Variants in FLRT1 observed in about 807,000 individuals in gnomAD.
FLRT1 encodes the protein leucine-rich repeat transmembrane protein FLRT1.
A neutral mutation model predicts 30.9 loss-of-function variants in FLRT1; 14 were observed. The ratio of observed to expected loss-of-function variants is 0.45; its 90% CI spans 0.30 to 0.71. The LOEUF (loss-of-function observed/expected upper bound fraction) is 0.71. Among genes scored for constraint, FLRT1 ranks in the 30% least tolerant of loss-of-function variants. The pLI is 0.08. For synonymous variants in FLRT1, 368 were observed against 430.4 expected, an observed-to-expected ratio of 0.85 and a Z score of 1.80; for missense variants, 737 against 949.2, an observed-to-expected ratio of 0.78 and a Z score of 2.94.
Position 64,117,157 on chromosome 11 carries a change from A to G in FLRT1, c.890A>G (p.Glu297Gly), listed in dbSNP as rs1254000186. ...ACGCTGGCCAAGATGCGTGAGCTGG[A>G]GCGGCTGGACCTGTCCAACAACAAC... ...YNTLAKMRELERLDLSNNNLT... is the reference protein window; with the variant it reads ...YNTLAKMRELGRLDLSNNNLT... The change falls in exon 3 of 3, where the codon GAG becomes GGG. Residue 297 changes from glutamate to glycine, a missense_variant. Transcript: ENST00000682287. 1.2e-6 allele frequency: 2 copies of G among 1,613,888 alleles called. No individual in the cohort carries two copies. The highest frequency in any genetic ancestry group is 1.7e-6 in the Non-Finnish European group (2 of 1,179,962).
intron 1 of FLRT1, among the ~76,000 whole-genome samples, chr11:64,059,883 G>A (rs911170932): frequency 6.6e-6 from 1 of 152,134 alleles, no homozygotes; most frequent in African/African-American, 2.4e-5. Flanking sequence ...TCCAGCCCTT[G>A]AAGGCCGAGG....
chr11:64,085,028 A>G (rs920817744), intron 1 of FLRT1, among the ~76,000 whole-genome samples: 5 of 152,316 alleles, frequency 3.3e-5, no homozygotes, highest in South Asian at 2.1e-4. Flanking sequence ...TATTATCCCC[A>G]TTTTACAGAT....
At position 64,116,476 on chromosome 11, in the gene FLRT1, G is replaced by A. The variant is rs778399088; in HGVS notation, c.209G>A (p.Arg70Gln). Residue 70 changes from arginine to glutamine, a missense_variant, in exon 3 of 3, where the codon CGG (arginine) becomes CAG (glutamine). Arg to Gln is a conservative substitution (Grantham distance 43, BLOSUM62 1). Coordinates refer to ENST00000682287, the MANE Select transcript of FLRT1 (RefSeq NM_013280.5). ...AACGGCTTCATCTACTGCAACGACC[G>A]GGGACTCACATCCATCCCCGCAGAT... ...CDNGFIYCND[R>Q]GLTSIPADIP... 6 of 1,613,686 alleles carry A rather than the reference G, an allele frequency of 3.7e-6. No homozygotes were observed. The highest frequency in any genetic ancestry group is 4.2e-6 in the Non-Finnish European group (5 of 1,179,898).
At chr11:64,055,717 G>T (rs1478507807) in intron 1 of FLRT1, among the ~76,000 whole-genome samples, 5 of 152,186 alleles carry the variant, frequency 3.3e-5, no homozygotes, top group African/African-American at 1.2e-4. Context: ...ATGGATGGAT[G>T]ATGGGCCATG....
At chr11:64,055,981 C>T (rs1028759388) in intron 1 of FLRT1, among the ~76,000 whole-genome samples, 3 of 152,168 alleles carry the variant, frequency 2.0e-5, no homozygotes, top group Admixed American at 6.5e-5. Context: ...GGGAGGGACG[C>T]GCTGTCGGTC....
At chr11:64,058,669 C>T (rs539795246) in intron 1 of FLRT1, among the ~76,000 whole-genome samples, 5 of 152,382 alleles carry the variant, frequency 3.3e-5, no homozygotes, top group East Asian at 1.9e-4. Flanking sequence ...AACAGCTTCC[C>T]GCTCCACGCC....
chr11:64,114,907 C>T (rs1483343648), intron 2 of FLRT1, among the ~76,000 whole-genome samples: 2 of 151,950 alleles, frequency 1.3e-5, no homozygotes, highest in Non-Finnish European at 2.9e-5. Flanking sequence ...GTAGCTTGCT[C>T]GATGGAAAGA....
chr11:64,072,800 C>T (rs1944133422), intron 1 of FLRT1, among the ~76,000 whole-genome samples: 1 of 152,192 alleles, frequency 6.6e-6, no homozygotes, highest in Non-Finnish European at 1.5e-5. Context: ...TGTTGCAGCT[C>T]CACCCTGCAT....
chr11:64,059,145 C>T (rs1943848879), intron 1 of FLRT1, among the ~76,000 whole-genome samples: 1 of 152,198 alleles, frequency 6.6e-6, no homozygotes, highest in East Asian at 1.9e-4. Context: ...TTCTCTTCCT[C>T]TTCTGTGTTT....
chr11:64,038,602 G>GC (rs1333636596), intron 1 of FLRT1, among the ~76,000 whole-genome samples: 1 of 152,286 alleles, frequency 6.6e-6, no homozygotes, highest in East Asian at 1.9e-4. Flanking sequence ...AGCCACCTCT[G>GC]CCCAGTCATG....
intron 1 of FLRT1, among the ~76,000 whole-genome samples, chr11:64,093,798 G>A (rs1351139558): frequency 6.6e-6 from 1 of 152,230 alleles, no homozygotes; most frequent in Non-Finnish European, 1.5e-5. Context: ...GGCCTGGCCA[G>A]GGTGGAAGGA....
intron 2 of FLRT1, among the ~76,000 whole-genome samples, chr11:64,115,127 G>A (rs1014008892): frequency 6.6e-6 from 1 of 152,142 alleles, no homozygotes; most frequent in African/African-American, 2.4e-5. Flanking sequence ...AAAAGCCTCC[G>A]TGAACCCAGT....
chr11:64,040,907 CG>C (rs1943472233), intron 1 of FLRT1, among the ~76,000 whole-genome samples: 1 of 152,066 alleles, frequency 6.6e-6, no homozygotes, highest in Non-Finnish European at 1.5e-5. Context: ...ATCCGACGTC[CG>C]GCCAGGCCCC....
chr11:64,098,963 TTAA>T (rs1333645550), intron 1 of FLRT1, among the ~76,000 whole-genome samples: 1 of 152,174 alleles, frequency 6.6e-6, no homozygotes, highest in Non-Finnish European at 1.5e-5. Context: ...AATATAGGAA[TTAA>T]TATCAGAGAG....
At chr11:64,100,340 G>A (rs188928121) in intron 1 of FLRT1, among the ~76,000 whole-genome samples, 2 of 152,258 alleles carry the variant, frequency 1.3e-5, no homozygotes, top group East Asian at 1.9e-4. Context: ...TGTGATTGAC[G>A]ACAACAAAAG....
intron 1 of FLRT1, among the ~76,000 whole-genome samples, chr11:64,092,479 T>C (rs1312187576): frequency 1.3e-5 from 2 of 152,092 alleles, no homozygotes; most frequent in Admixed American, 6.5e-5. Flanking sequence ...TGAGGTTGGG[T>C]GTGGCCAGAG....
At chr11:64,086,173 C>T (rs72918432) in intron 1 of FLRT1, among the ~76,000 whole-genome samples, 25,366 of 152,220 alleles carry the variant, frequency 0.17, 2,644 homozygotes, top group Non-Finnish European at 0.24. Flanking sequence ...CGGGACTCAA[C>T]AGTGGGATCC....
Position 64,090,265 on chromosome 11 carries a change from G to A in FLRT1, c.-1037-12929G>A, listed in dbSNP as rs148426551. On this transcript the variant is annotated intron_variant, in intron 1 of 2. Coordinates refer to ENST00000682287, the MANE Select transcript of FLRT1 (RefSeq NM_013280.5). The surrounding 1 kb of genome is among the most constrained non-coding windows in gnomAD (Gnocchi z 4.7). Reference sequence around the variant, plus strand: ...GGGTCTCCAGCCTTTGCTCATCCTCGGGAAATGCATCGTGCGTTGCTTTTC... The same window carrying A: ...GGGTCTCCAGCCTTTGCTCATCCTCAGGAAATGCATCGTGCGTTGCTTTTC... Among the ~76,000 whole-genome samples, 79 of 152,250 alleles carry A rather than the reference G, an allele frequency of 5.2e-4. 1 individual carries two copies. In the East Asian group the frequency reaches 0.011, roughly 20 times the overall value.
intron 1 of FLRT1, among the ~76,000 whole-genome samples, chr11:64,077,423 G>C (rs888499665): frequency 1.3e-5 from 2 of 152,146 alleles, no homozygotes; most frequent in Non-Finnish European, 2.9e-5. Flanking sequence ...CCCCGTCCTC[G>C]GATTTTCCCC....
Sources: allele counts gnomAD v4.1 joint callset (sites outside exome capture counted in the v4.1 genomes callset), GRCh38; gene constraint gnomAD v4.1.1; non-coding constraint Gnocchi (gnomAD v3.1); transcripts MANE v1.5; gene names NCBI Gene and HGNC (gene_info 2026-07-23, HGNC 2026-07-21).